SEMA5B: variants seen among roughly 807,000 people sequenced by gnomAD.
SEMA5B encodes semaphorin-5B.
A neutral mutation model predicts 135.0 loss-of-function variants in SEMA5B; 66 were observed. The observed-to-expected ratio is 0.49, with a 90% confidence interval of 0.40 to 0.60. SEMA5B has a LOEUF of 0.60. Among genes scored for constraint, SEMA5B ranks in the 20% least tolerant of loss-of-function variants. The probability of loss-of-function intolerance (pLI) is 0.00; values close to 1 mark genes in which losing one functional copy is unlikely to be tolerated. For missense variants in SEMA5B, 1,501 were observed against 1,566.3 expected (o/e 0.96, Z 0.70); for synonymous variants, 690 against 639.5 (o/e 1.08, Z -1.19).
chr3:123,004,778 T>C (rs570259888), intron 1 of SEMA5B, among the ~76,000 whole-genome samples: 3 of 152,182 alleles, frequency 2.0e-5, no homozygotes, highest in Non-Finnish European at 4.4e-5. Flanking sequence ...AAATAGTTGG[T>C]ATTTGGATTA....
chr3:122,931,693 C>G (rs570624559), intron 5 of SEMA5B, among the ~76,000 whole-genome samples: 4 of 152,190 alleles, frequency 2.6e-5, no homozygotes, highest in African/African-American at 4.8e-5. Flanking sequence ...GAGAATCATT[C>G]TTTGAACTAC....
chr3:122,965,455 T>G (rs1322214956), intron 1 of SEMA5B, among the ~76,000 whole-genome samples: 1 of 152,222 alleles, frequency 6.6e-6, no homozygotes, highest in Non-Finnish European at 1.5e-5. Context: ...TGGGCACCAA[T>G]CCCTTTCCTT....
intron 3 of SEMA5B, 53 bp from the exon 4 acceptor site, chr3:122,943,588 C>G: frequency 7.6e-7 from 1 of 1,323,132 alleles, no homozygotes; most frequent in Non-Finnish European, 1.1e-6. Context: ...AGGCTCCCAG[C>G]TGCATCGCAG....
intron 22 of SEMA5B, among the ~76,000 whole-genome samples, chr3:122,910,580 C>T (rs1397048284): frequency 6.6e-5 from 10 of 152,024 alleles, no homozygotes; most frequent in African/African-American, 9.7e-5. Context: ...GAGGCCGAGG[C>T]GGGCGGATCA....
chr3:122,946,631 A>G (rs948282525), intron 3 of SEMA5B, among the ~76,000 whole-genome samples: 7 of 152,186 alleles, frequency 4.6e-5, no homozygotes, highest in Non-Finnish European at 5.9e-5. Flanking sequence ...GTCCAGGACC[A>G]GAACCAGTAC....
At chr3:122,983,259 A>AT (rs200457081) in intron 1 of SEMA5B, among the ~76,000 whole-genome samples, 7,226 of 151,910 alleles carry the variant, frequency 0.048, 186 homozygotes, top group East Asian at 0.092. Context: ...CATCTCAAGG[A>AT]TTTTTTTGGG....
chr3:122,928,494 C>G, intron 7 of SEMA5B, 23 bp downstream of exon 7: 1 of 1,533,968 alleles, frequency 6.5e-7, no homozygotes, highest in Admixed American at 2.0e-5. Context: ...CCCCTTCAGT[C>G]TCCTCCACCC....
chr3:122,921,245 G>A (rs756252361), intron 12 of SEMA5B, among the ~76,000 whole-genome samples: 7 of 152,192 alleles, frequency 4.6e-5, no homozygotes, highest in Non-Finnish European at 7.3e-5. Context: ...GGAGAGCCTC[G>A]GGTGGTAGGA....
chr3:123,027,541 A>G lies in SEMA5B; in HGVS notation c.-116T>C, dbSNP rs925420134. 6 of 152,214 alleles carry G rather than the reference A, an allele frequency of 3.9e-5. No individual in the cohort carries two copies. The highest frequency in any genetic ancestry group is 1.4e-4 in the African/African-American group (6 of 41,422). 9.4% of individuals were successfully genotyped at this position (152,214 alleles called of 1,614,324 possible). A position where few individuals can be genotyped will look rare whatever the true frequency, so the allele number is the denominator to read the frequency against. On this transcript the variant is annotated 5_prime_UTR_variant, in exon 1 of 23. Coordinates refer to ENST00000357599, the MANE Select transcript of SEMA5B (RefSeq NM_001031702.4). ...CGGCGCGGAGCGGCGGGAGCTAACCAGATGGGCTGGCGGCCGGTCTGGGAA... is the reference window on the plus strand; with the variant it reads ...CGGCGCGGAGCGGCGGGAGCTAACCGGATGGGCTGGCGGCCGGTCTGGGAA...
chr3:122,966,863 C>T (rs13093469), intron 1 of SEMA5B, among the ~76,000 whole-genome samples: 22,960 of 77,676 alleles, frequency 0.3, 2,425 homozygotes, highest in African/African-American at 0.42. Flanking sequence ...CGGCCTATTA[C>T]TATTATTATT....
At chr3:122,967,141 T>C (rs1182541029) in intron 1 of SEMA5B, among the ~76,000 whole-genome samples, 10 of 152,078 alleles carry the variant, frequency 6.6e-5, no homozygotes, top group Non-Finnish European at 1.0e-4. Context: ...TGACTCGGCC[T>C]CCCAAAGTGC....
chr3:122,972,965 G>A (rs531357088), intron 1 of SEMA5B, among the ~76,000 whole-genome samples: 266 of 152,310 alleles, frequency 1.7e-3, no homozygotes, highest in African/African-American at 6.0e-3. Context: ...GGCTCACACT[G>A]GATAAGGTCC....
At chr3:122,994,963 C>T (rs912298249) in intron 1 of SEMA5B, among the ~76,000 whole-genome samples, 1 of 152,030 alleles carries the variant, frequency 6.6e-6, no homozygotes, top group African/African-American at 2.4e-5. Context: ...TCCAGGTGAG[C>T]TGCTTAAAGG....
At chr3:123,013,949 G>A (rs892807447) in intron 1 of SEMA5B, among the ~76,000 whole-genome samples, 1 of 152,224 alleles carries the variant, frequency 6.6e-6, no homozygotes, top group Non-Finnish European at 1.5e-5. Context: ...CCATTCCACA[G>A]GAAGGAAACG....
At chr3:122,981,033 C>T (rs575392394) in intron 1 of SEMA5B, among the ~76,000 whole-genome samples, 7 of 152,342 alleles carry the variant, frequency 4.6e-5, no homozygotes, top group Non-Finnish European at 7.3e-5. Context: ...ACTTCGGGGA[C>T]ATGGCAAAGA....
At chr3:122,964,069 C>T (rs772801399) in intron 1 of SEMA5B, among the ~76,000 whole-genome samples, 12 of 152,220 alleles carry the variant, frequency 7.9e-5, no homozygotes, top group Admixed American at 3.3e-4. Flanking sequence ...GTCTCCATGT[C>T]ATCCAGGCAT....
chr3:122,952,289 A>G (rs894815751), intron 2 of SEMA5B, among the ~76,000 whole-genome samples: 12 of 152,084 alleles, frequency 7.9e-5, no homozygotes, highest in Admixed American at 7.9e-4. Context: ...CGTGCTGTCC[A>G]TCCTTGGAGC....
At chr3:122,992,009 T>C (rs1941895024) in intron 1 of SEMA5B, among the ~76,000 whole-genome samples, 1 of 152,134 alleles carries the variant, frequency 6.6e-6, no homozygotes, top group Non-Finnish European at 1.5e-5. Context: ...GATCTCCTTA[T>C]TCCCGGAGGC....
At chr3:122,961,975 C>T (rs1940601122) in intron 1 of SEMA5B, among the ~76,000 whole-genome samples, 1 of 152,172 alleles carries the variant, frequency 6.6e-6, no homozygotes, top group South Asian at 2.1e-4. Flanking sequence ...CAATCTCTAA[C>T]CCTTCTTCCG....
Sources: allele counts gnomAD v4.1 joint callset (sites outside exome capture counted in the v4.1 genomes callset), GRCh38; gene constraint gnomAD v4.1.1; transcripts MANE v1.5; gene names NCBI Gene and HGNC (gene_info 2026-07-23, HGNC 2026-07-21).